The following GABRB1 variants were observed in gnomAD, a reference collection of about 807,000 sequenced individuals.
GABRB1 encodes the protein gamma-aminobutyric acid type A receptor subunit beta1.
Under a neutral mutation model 51.6 loss-of-function variants are expected in GABRB1, and 17 were observed. The observed-to-expected ratio is 0.33, with a 90% CI of 0.23 to 0.49. The LOEUF (loss-of-function observed/expected upper bound fraction) is 0.49, where lower values mean the gene tolerates loss of function less well. GABRB1 is among the 20% of genes least tolerant of loss of function. The probability of loss-of-function intolerance (pLI) is 0.99; values close to 1 mark genes in which losing one functional copy is unlikely to be tolerated. For synonymous variants in GABRB1, 247 were observed against 218.9 expected (o/e 1.13, Z -1.14); for missense variants, 410 against 600.6 (o/e 0.68, Z 3.32).
At chr4:47,117,065 G>T (rs1715526307) in intron 3 of GABRB1, among the ~76,000 whole-genome samples, 1 of 152,028 alleles carries the variant, frequency 6.6e-6, no homozygotes, top group Non-Finnish European at 1.5e-5. Flanking sequence ...TTACAATTAG[G>T]TATGAGATTT....
intron 5 of GABRB1, among the ~76,000 whole-genome samples, chr4:47,352,966 AAG>A (rs2110000722): frequency 6.6e-6 from 1 of 152,348 alleles, no homozygotes; most frequent in East Asian, 1.9e-4. Flanking sequence ...TGGGAAGACA[AAG>A]AGGTTTAATT....
At chr4:47,295,433 G>A (rs951513871) in intron 4 of GABRB1, among the ~76,000 whole-genome samples, 1 of 152,330 alleles carries the variant, frequency 6.6e-6, no homozygotes, top group South Asian at 2.1e-4. Context: ...GGAGCTGAAA[G>A]CCAAGGCTCG....
chr4:47,014,840 G>A (rs994118027), intron 1 of GABRB1, among the ~76,000 whole-genome samples: 1 of 152,148 alleles, frequency 6.6e-6, no homozygotes, highest in African/African-American at 2.4e-5. Context: ...TATAGAATAA[G>A]GCTATAGAAA....
At chr4:47,282,316 T>A (rs772556432) in intron 4 of GABRB1, among the ~76,000 whole-genome samples, 5 of 152,218 alleles carry the variant, frequency 3.3e-5, no homozygotes, top group African/African-American at 4.8e-5. Context: ...AACACAGCTC[T>A]CTCTGTTATA....
intron 4 of GABRB1, 151 bp from the exon 5 acceptor site, chr4:47,319,976 G>C: frequency 1.5e-6 from 1 of 662,122 alleles, no homozygotes. Context: ...ATTTGTTGAC[G>C]TATAATTATT....
chr4:47,282,939 G>A (rs1723347235), intron 4 of GABRB1, among the ~76,000 whole-genome samples: 1 of 152,196 alleles, frequency 6.6e-6, no homozygotes, highest in Non-Finnish European at 1.5e-5. Context: ...GCTGTGTGCA[G>A]TAATTGGGCT....
chr4:47,271,832 C>T (rs1383682130), intron 4 of GABRB1, among the ~76,000 whole-genome samples: 2 of 152,176 alleles, frequency 1.3e-5, no homozygotes, highest in Non-Finnish European at 2.9e-5. Flanking sequence ...CAGCCTGCCT[C>T]ATAGTCTCAC....
rs540581347 is a variant in GABRB1 at position 47,145,503 on chromosome 4, C to T, written c.241-15746C>T. On this transcript the variant is annotated intron_variant, in intron 3 of 8. Transcript: ENST00000295454. ...TAAAATGTGAAGGACACTGATTACA[C>T]GCACATGCATAAACTTATCGCCCCA... 2.2e-4 allele frequency among the ~76,000 whole-genome samples: 34 copies of T among 152,064 alleles called. No individual in the cohort carries two copies. In the South Asian group the frequency reaches 2.7e-3, roughly 12 times the overall value.
intron 4 of GABRB1, among the ~76,000 whole-genome samples, chr4:47,275,567 C>G (rs1325494280): frequency 1.3e-5 from 2 of 152,090 alleles, no homozygotes; most frequent in African/African-American, 4.8e-5. Flanking sequence ...AAGAGTATAT[C>G]TTATCTTCTG....
At chr4:47,236,645 G>T (rs1721343325) in intron 4 of GABRB1, among the ~76,000 whole-genome samples, 1 of 152,108 alleles carries the variant, frequency 6.6e-6, no homozygotes. Context: ...CGTTTATTGT[G>T]AGAGATTTTG....
intron 3 of GABRB1, among the ~76,000 whole-genome samples, chr4:47,045,355 T>C (rs780884335): frequency 6.6e-6 from 1 of 152,028 alleles, no homozygotes; most frequent in African/African-American, 2.4e-5. Context: ...AATGAGATAA[T>C]GTGTACAAAT....
intron 5 of GABRB1, among the ~76,000 whole-genome samples, chr4:47,359,025 T>C (rs1726700638): frequency 6.6e-6 from 1 of 152,086 alleles, no homozygotes; most frequent in Non-Finnish European, 1.5e-5. Flanking sequence ...ATAGAAATTT[T>C]AGGTTTTGTC....
At chr4:47,062,301 T>A (rs945783387) in intron 3 of GABRB1, among the ~76,000 whole-genome samples, 13 of 136,970 alleles carry the variant, frequency 9.5e-5, no homozygotes, top group African/African-American at 3.5e-4. Flanking sequence ...AAGCAATGTC[T>A]TTTTTTTTTT....
chr4:47,323,870 T>G (rs888226038), intron 5 of GABRB1, among the ~76,000 whole-genome samples: 2 of 152,198 alleles, frequency 1.3e-5, no homozygotes, highest in Non-Finnish European at 2.9e-5. Context: ...TGGAGCAGAT[T>G]AATAGCTCTG....
At chr4:46,993,941 T>C (rs1413762921) in intron 1 of GABRB1, 2 of 156,540 alleles carry the variant, frequency 1.3e-5, no homozygotes, top group Non-Finnish European at 2.8e-5. Context: ...TGCGAGGACC[T>C]GTTTGTACCC....
chr4:47,238,388 A>C (rs1379904755), intron 4 of GABRB1, among the ~76,000 whole-genome samples: 2 of 152,126 alleles, frequency 1.3e-5, no homozygotes, highest in African/African-American at 2.4e-5. Flanking sequence ...TCAACCTTCA[A>C]TCTAGTCAAA....
At chr4:47,355,031 G>T (rs1300544166) in intron 5 of GABRB1, among the ~76,000 whole-genome samples, 1 of 128,488 alleles carries the variant, frequency 7.8e-6, no homozygotes, top group Non-Finnish European at 1.6e-5. Context: ...TGTCACCCAG[G>T]ATGGAGTGCA....
rs1725299637 is a variant in GABRB1, at chr4:47,031,604, T to C, written c.-48T>C. On this transcript the variant is annotated 5_prime_UTR_variant, in exon 1 of 9. Coordinates refer to ENST00000295454, the MANE Select transcript of GABRB1 (RefSeq NM_000812.4). ...CTGCCCAGCAGCCGACTAAGTTGCA[T>C]TCCTTGAATCTTCGCAGAAAAGACA... 1 of 1,510,582 alleles carries C rather than the reference T, an allele frequency of 6.6e-7. No homozygotes were observed. The highest frequency in any genetic ancestry group is 9.2e-7 in the Non-Finnish European group (1 of 1,086,032). 93.6% of individuals were successfully genotyped at this position (1,510,582 alleles called of 1,614,324 possible).
At chr4:47,065,334 A>C (rs1727030679) in intron 3 of GABRB1, among the ~76,000 whole-genome samples, 1 of 152,238 alleles carries the variant, frequency 6.6e-6, no homozygotes. Flanking sequence ...TGTCTATTTC[A>C]TGCAGACATG....
Sources: gnomAD v4.1 joint callset for allele counts (sites outside exome capture counted in the v4.1 genomes callset) on GRCh38, gnomAD v4.1.1 for gene constraint, MANE v1.5 for transcripts, NCBI Gene and HGNC (gene_info 2026-07-23, HGNC 2026-07-21) for gene names.